PMEPA1: variants seen among roughly 807,000 people sequenced by gnomAD.
The protein encoded by PMEPA1 is protein TMEPAI.
In PMEPA1, 11 loss-of-function variants were observed where a neutral mutation model predicts 23.0. That is an observed-to-expected ratio of 0.48 (90% CI 0.30 to 0.79). The LOEUF (loss-of-function observed/expected upper bound fraction) is 0.79, where lower values mean the gene tolerates loss of function less well. Ranked by LOEUF, PMEPA1 falls within the 30% of genes least tolerant of loss-of-function variation. The pLI, the probability that PMEPA1 is intolerant of heterozygous loss-of-function variation, is 0.06. For synonymous variants in PMEPA1, 204 were observed against 166.4 expected (o/e 1.23, Z -1.74); for missense variants, 377 against 390.9 (o/e 0.96, Z 0.30).
intron 1 of PMEPA1, among the ~76,000 whole-genome samples, chr20:57,697,969 A>G (rs2071962388): frequency 6.6e-6 from 1 of 152,258 alleles, no homozygotes; most frequent in Non-Finnish European, 1.5e-5. Context: ...AATGGGGCAG[A>G]GGCTCCCTTA....
At chr20:57,685,506 C>A (rs1308567255) in intron 1 of PMEPA1, among the ~76,000 whole-genome samples, 1 of 152,142 alleles carries the variant, frequency 6.6e-6, no homozygotes, top group Non-Finnish European at 1.5e-5. Flanking sequence ...TTTAAAGATG[C>A]AGTATTGCTT....
chr20:57,683,316 T>G lies in PMEPA1; in HGVS notation c.110-23619A>C, dbSNP rs941109489. On this transcript the variant is annotated intron_variant, in intron 1 of 3. Coordinates refer to ENST00000341744, the MANE Select transcript of PMEPA1 (RefSeq NM_020182.5). This position sits in a 1 kb window ranked among gnomAD's most constrained non-coding sequence, Gnocchi z 4.3. ...GAGGGAAACATCAATACTGTTGCCA[T>G]TCAGTTCTCTATGCCATGCTGGCCT... 7.2e-5 allele frequency among the ~76,000 whole-genome samples: 11 copies of G among 152,212 alleles called. No individual in the cohort carries two copies. Among genetic ancestry groups the G allele is most frequent in the African/African-American group, 2.2e-4 (9 of 41,456 alleles).
Position 57,709,613 on chromosome 20 carries a change from G to C in PMEPA1, c.-31C>G. The C allele has an allele frequency of 1.0e-6, 1 of 985,960 alleles. No homozygotes were observed. The highest frequency in any genetic ancestry group is 1.2e-6 in the Non-Finnish European group (1 of 823,108). The allele number at this position is 985,960 out of a possible 1,614,324, so 61.1% of individuals were successfully genotyped here. On this transcript the variant is annotated 5_prime_UTR_variant, in exon 1 of 4. Transcript: ENST00000341744. ...GCGCGGCGGCGCGGCGCGGGGCGCGGGGGGCTCGGGGGCGGCCGGGGGGGG... is the reference window on the plus strand; with the variant it reads ...GCGCGGCGGCGCGGCGCGGGGCGCGCGGGGCTCGGGGGCGGCCGGGGGGGG...
At chr20:57,684,890 A>T (rs2071780920) in intron 1 of PMEPA1, among the ~76,000 whole-genome samples, 2 of 152,118 alleles carry the variant, frequency 1.3e-5, no homozygotes, top group Admixed American at 1.3e-4. Context: ...CCTCAGAGAG[A>T]AGAAAACCTG....
chr20:57,680,104 G>A (rs1203856186), intron 1 of PMEPA1, among the ~76,000 whole-genome samples: 1 of 152,224 alleles, frequency 6.6e-6, no homozygotes, highest in African/African-American at 2.4e-5. Flanking sequence ...CCAGGGAACC[G>A]TCGGGGGATG....
chr20:57,669,155 ATTTATTTAT>A (rs1600640715), intron 1 of PMEPA1, among the ~76,000 whole-genome samples: 1 of 126,690 alleles, frequency 7.9e-6, no homozygotes, highest in Non-Finnish European at 1.6e-5. Flanking sequence ...TTATTTATTT[ATTTATTTAT>A]TTATTTATTT....
rs534864813 is a variant in PMEPA1, at chr20:57,683,864, T to TGCG, written c.110-24170_110-24168dup. ...CTGCACAAAGTCCATCATAAACCCA[T>TGCG]GCGGGGCACAATGGGAGTAGCTGCT... On this transcript the variant is annotated intron_variant, in intron 1 of 3. Coordinates refer to ENST00000341744, the MANE Select transcript of PMEPA1 (RefSeq NM_020182.5). The surrounding 1 kb of genome is among the most constrained non-coding windows in gnomAD (Gnocchi z 4.3). Among the ~76,000 whole-genome samples the TGCG allele has an allele frequency of 1.3e-5, 2 of 152,042 alleles. No homozygotes were observed. Among genetic ancestry groups the TGCG allele is most frequent in the African/African-American group, 4.8e-5 (2 of 41,464 alleles).
rs1409223672 is a variant in PMEPA1, at chr20:57,648,757, A to AAAC, written c.*3293_*3295dup. 6 of 152,000 alleles carry AAAC rather than the reference A, an allele frequency of 3.9e-5. No homozygotes were observed. The highest frequency in any genetic ancestry group is 1.5e-5 in the Non-Finnish European group (1 of 68,036). 9.4% of individuals were successfully genotyped at this position (152,000 alleles called of 1,614,324 possible). ...GCAAGATTTCAAGCAGTTTCCAGAA[A>AAAC]AACAACAACAACGACATTTTCTTTC... On this transcript the variant is annotated 3_prime_UTR_variant, in exon 4 of 4. Coordinates refer to ENST00000341744, the MANE Select transcript of PMEPA1 (RefSeq NM_020182.5).
Position 57,655,649 on chromosome 20 carries a change from T to C in PMEPA1, c.265-2563A>G, listed in dbSNP as rs764343716. Among the ~76,000 whole-genome samples the C allele has an allele frequency of 1.5e-4, 23 of 152,124 alleles. No individual in the cohort carries two copies. The highest frequency in any genetic ancestry group is 3.4e-3 in the Middle Eastern group (1 of 294). On this transcript the variant is annotated intron_variant, in intron 2 of 3. Transcript: ENST00000341744. The surrounding 1 kb of genome is among the most constrained non-coding windows in gnomAD (Gnocchi z 4.2). The stretch of plus-strand genomic sequence containing the variant: ...ACCCCAGGTGGAGGACAAGGACAGG[T>C]TCCAATCCTACAGCCACTGCTGACG...
intron 2 of PMEPA1, 147 bp from the exon 3 acceptor site, chr20:57,653,233 C>A: frequency 1.4e-6 from 1 of 705,980 alleles, no homozygotes; most frequent in Non-Finnish European, 2.5e-6. Context: ...GCTTCCCCAG[C>A]CCCTGGCCCT....
intron 1 of PMEPA1, among the ~76,000 whole-genome samples, chr20:57,686,203 G>C (rs949634057): frequency 1.3e-5 from 2 of 152,138 alleles, no homozygotes; most frequent in African/African-American, 4.8e-5. Flanking sequence ...CTCCTAAATG[G>C]GGGAACTAGT....
chr20:57,710,309 G>T, upstream of PMEPA1: 1 of 774,330 alleles, frequency 1.3e-6, no homozygotes, highest in Non-Finnish European at 1.9e-6. Context: ...GCACCCGGGC[G>T]GGTTGCTGGT....
At chr20:57,672,815 C>T (rs778483685) in intron 1 of PMEPA1, among the ~76,000 whole-genome samples, 2 of 152,154 alleles carry the variant, frequency 1.3e-5, no homozygotes, top group African/African-American at 2.4e-5. Context: ...GGAATCCTGG[C>T]GCTGTCCTGC....
Position 57,687,490 on chromosome 20 carries a change from G to A in PMEPA1, c.109+21984C>T, listed in dbSNP as rs1414799157. Among the ~76,000 whole-genome samples the A allele has an allele frequency of 3.9e-5, 6 of 152,166 alleles. No individual in the cohort carries two copies. In the East Asian group the frequency reaches 9.6e-4, roughly 24 times the overall value. ...AGCCACTCCCTGGTCTGGCAACCAC[G>A]ACTGACATTACTAATCAATTGCCAC... On this transcript the variant is annotated intron_variant, in intron 1 of 3. Coordinates refer to ENST00000341744, the MANE Select transcript of PMEPA1 (RefSeq NM_020182.5).
At chr20:57,700,099 C>G (rs373708974) in intron 1 of PMEPA1, 1 of 471,380 alleles carries the variant, frequency 2.1e-6, no homozygotes, top group Non-Finnish European at 4.4e-6. Context: ...AGTGATGGAA[C>G]TGGCCCCTCC....
Position 57,659,675 on chromosome 20 carries a change from G to C in PMEPA1, c.132C>G (p.Ile44Met). 1 of 1,591,754 alleles carries C rather than the reference G, an allele frequency of 6.3e-7. No individual in the cohort carries two copies. Among genetic ancestry groups the C allele is most frequent in the Non-Finnish European group, 8.6e-7 (1 of 1,169,118 alleles). ...CCATCATCACCACCACGATGATGAT[G>C]ATCTGAACAAACTCCAGCTCCGCTG... is the stretch of plus-strand genomic sequence containing the variant. Reference protein sequence around the residue: ...MEITELEFVQIIIIVVVMMVM... With the variant: ...MEITELEFVQMIIIVVVMMVM... Residue 44 changes from isoleucine to methionine, a missense_variant, in exon 2 of 4, where the codon ATC (isoleucine) becomes ATG (methionine). Ile to Met is a conservative substitution (Grantham distance 10, BLOSUM62 1). Transcript: ENST00000341744.
Position 57,682,240 on chromosome 20 carries a change from C to T in PMEPA1, c.110-22543G>A, listed in dbSNP as rs138894437. Among the ~76,000 whole-genome samples the T allele has an allele frequency of 6.4e-4, 98 of 152,334 alleles. 1 individual carries two copies. The highest frequency in any genetic ancestry group is 3.4e-3 in the Middle Eastern group (1 of 294). ...AGCTACCTTCGATGGGAGGTGACGG[C>T]GTAGCAAAGGCTCCCAGTGGGAATG... On this transcript the variant is annotated intron_variant, in intron 1 of 3. Transcript: ENST00000341744. The surrounding 1 kb of genome is among the most constrained non-coding windows in gnomAD (Gnocchi z 4.4).
chr20:57,667,415 G>T (rs912566007), intron 1 of PMEPA1, among the ~76,000 whole-genome samples: 2 of 152,262 alleles, frequency 1.3e-5, no homozygotes, highest in East Asian at 3.9e-4. Context: ...GTGCGGCGGC[G>T]ACTGAGTTTC....
At chr20:57,672,744 G>C (rs754669686) in intron 1 of PMEPA1, among the ~76,000 whole-genome samples, 7 of 152,136 alleles carry the variant, frequency 4.6e-5, no homozygotes, top group African/African-American at 1.2e-4. Context: ...TTGCACCATC[G>C]GGCTCCCAGG....
Sources: allele counts gnomAD v4.1 joint callset (sites outside exome capture counted in the v4.1 genomes callset), GRCh38; gene constraint gnomAD v4.1.1; non-coding constraint Gnocchi (gnomAD v3.1); transcripts MANE v1.5; gene names NCBI Gene and HGNC (gene_info 2026-07-23, HGNC 2026-07-21).